Variants in USP34 observed in about 807,000 individuals in gnomAD.
USP34 encodes the protein ubiquitin carboxyl-terminal hydrolase 34.
In USP34, 70 loss-of-function variants were observed where a neutral mutation model predicts 460.3. That is an observed-to-expected ratio of 0.15 (90% CI 0.13 to 0.19). USP34 has a LOEUF of 0.19. Among genes scored for constraint, USP34 ranks in the 10% least tolerant of loss-of-function variants. The pLI, the probability that USP34 is intolerant of heterozygous loss-of-function variation, is 1.00. For synonymous variants in USP34, 1,647 were observed against 1,405.3 expected (o/e 1.17, Z -3.85); for missense variants, 3,985 against 4,236.2 (o/e 0.94, Z 1.65).
In USP34 at chr2:61,434,097, A is replaced by C. The variant is rs143389672; in HGVS notation, c.44-13264T>G. Among the ~76,000 whole-genome samples, 422 of 152,246 alleles carry C rather than the reference A, an allele frequency of 2.8e-3. 1 individual carries two copies. Among genetic ancestry groups the C allele is most frequent in the African/African-American group, 9.4e-3 (392 of 41,538 alleles). On this transcript the variant is annotated intron_variant, in intron 1 of 79. Coordinates refer to ENST00000398571, the MANE Select transcript of USP34 (RefSeq NM_014709.4). ...AGTAGTGGAGGCCCGCAAGCCAAAGAGCATGTGATACACCCCAAGGTTAGT... is the reference window on the plus strand; with the variant it reads ...AGTAGTGGAGGCCCGCAAGCCAAAGCGCATGTGATACACCCCAAGGTTAGT...
intron 15 of USP34, among the ~76,000 whole-genome samples, chr2:61,344,459 A>T (rs1691701291): frequency 3.3e-5 from 5 of 152,204 alleles, no homozygotes; most frequent in African/African-American, 1.2e-4. Context: ...CTTCTAACCA[A>T]ACAAACCCAA....
chr2:61,464,654 T>C lies in USP34; in HGVS notation c.43+5996A>G, dbSNP rs543867426. Among the ~76,000 whole-genome samples, 9 of 142,310 alleles carry C rather than the reference T, an allele frequency of 6.3e-5. No individual in the cohort carries two copies. In the South Asian group the frequency reaches 2.0e-3, roughly 32 times the overall value. The allele number at this position is 142,310 out of a possible 152,430, so 93.4% of individuals were successfully genotyped here. On this transcript the variant is annotated intron_variant, in intron 1 of 79. Transcript: ENST00000398571. ...CGCCTGTAGTCCCAGGAGGCGGAGG[T>C]TGCAGTGAGCCCAAGATCGCACCAC...
At chr2:61,414,350 G>C (rs1443282658) in intron 2 of USP34, among the ~76,000 whole-genome samples, 4 of 151,716 alleles carry the variant, frequency 2.6e-5, no homozygotes, top group South Asian at 2.1e-4. Flanking sequence ...CTGGAACCTA[G>C]AATACAACTG....
chr2:61,281,378 C>T, intron 37 of USP34, 136 bp from the exon 38 acceptor site: 1 of 1,128,636 alleles, frequency 8.9e-7, no homozygotes, highest in Non-Finnish European at 1.2e-6. Context: ...TTTGGAGGCC[C>T]AGGCAGGAGG....
At chr2:61,290,276 T>C (rs1361022028) in intron 33 of USP34, among the ~76,000 whole-genome samples, 1 of 152,158 alleles carries the variant, frequency 6.6e-6, no homozygotes, top group Non-Finnish European at 1.5e-5. Flanking sequence ...AAAAACAGTT[T>C]GGCATCTTCT....
chr2:61,229,852 A>T (rs1417691357), intron 58 of USP34, among the ~76,000 whole-genome samples: 2 of 152,206 alleles, frequency 1.3e-5, no homozygotes, highest in African/African-American at 4.8e-5. Flanking sequence ...AAAACTCAAC[A>T]AACTGTACAT....
At chr2:61,262,637 T>C (rs1303284006) in intron 43 of USP34, among the ~76,000 whole-genome samples, 2 of 152,284 alleles carry the variant, frequency 1.3e-5, no homozygotes, top group Non-Finnish European at 2.9e-5. Flanking sequence ...AACACTGCTG[T>C]GGTAAACATG....
chr2:61,238,815 T>G (rs1264660460), intron 53 of USP34, among the ~76,000 whole-genome samples: 1 of 152,160 alleles, frequency 6.6e-6, no homozygotes, highest in East Asian at 1.9e-4. Context: ...TTACTGCACT[T>G]TGCAGATGCT....
chr2:61,285,190 C>A (rs1689650801), intron 34 of USP34, among the ~76,000 whole-genome samples: 1 of 151,988 alleles, frequency 6.6e-6, no homozygotes, highest in South Asian at 2.1e-4. Context: ...CACTTAAGAG[C>A]AGCAACTGTA....
intron 1 of USP34, among the ~76,000 whole-genome samples, chr2:61,459,537 G>A (rs939481927): frequency 6.6e-6 from 1 of 152,250 alleles, no homozygotes; most frequent in African/African-American, 2.4e-5. Flanking sequence ...CAGTTTGGGA[G>A]GCCAAGACGG....
intron 68 of USP34, 48 bp downstream of exon 68, chr2:61,214,012 T>C (rs558976046): frequency 6.2e-7 from 1 of 1,603,960 alleles, no homozygotes; most frequent in African/African-American, 1.3e-5. Context: ...AAACAGGTAT[T>C]TCCAATCTAT....
intron 49 of USP34, among the ~76,000 whole-genome samples, chr2:61,247,572 A>C (rs1190402855): frequency 6.6e-6 from 1 of 152,174 alleles, no homozygotes; most frequent in African/African-American, 2.4e-5. Context: ...TCTACTATCC[A>C]GGCTGGAATG....
At chr2:61,346,588 C>T (rs556317781) in intron 15 of USP34, among the ~76,000 whole-genome samples, 1 of 137,016 alleles carries the variant, frequency 7.3e-6, no homozygotes, top group South Asian at 2.3e-4. Context: ...GCAATCCTAG[C>T]ACTTTGGCAG....
chr2:61,391,189 T>C (rs983010383), intron 5 of USP34, among the ~76,000 whole-genome samples: 1 of 152,084 alleles, frequency 6.6e-6, no homozygotes, highest in Admixed American at 6.6e-5. Flanking sequence ...CACACACCTG[T>C]AATCCCAGCA....
intron 2 of USP34, among the ~76,000 whole-genome samples, chr2:61,418,643 C>T (rs535419590): frequency 1.1e-4 from 17 of 152,170 alleles, no homozygotes; most frequent in South Asian, 4.1e-4. Context: ...CTAATTAGAA[C>T]GACAATCTTA....
chr2:61,265,950 T>A (rs780711086), intron 42 of USP34, 34 bp downstream of exon 42: 2 of 1,502,264 alleles, frequency 1.3e-6, no homozygotes, highest in Non-Finnish European at 1.8e-6. Context: ...GAATTCAAAA[T>A]CTATAAAGAT....
At chr2:61,325,292 C>T in intron 21 of USP34, 83 bp downstream of exon 21, 1 of 753,918 alleles carries the variant, frequency 1.3e-6, no homozygotes. Context: ...AAAAAAAAAA[C>T]TGCAGAAATC....
intron 16 of USP34, among the ~76,000 whole-genome samples, chr2:61,342,487 T>C (rs926350636): frequency 6.6e-6 from 1 of 151,500 alleles, no homozygotes; most frequent in African/African-American, 2.4e-5. Context: ...TTTTTTTGTA[T>C]TTTTAGTAGG....
rs1207371174 is a variant in USP34, at chr2:61,355,870, T to C, written c.1252-5177A>G. 5.3e-5 allele frequency among the ~76,000 whole-genome samples: 8 copies of C among 152,218 alleles called. No homozygotes were observed. In the East Asian group the frequency reaches 1.5e-3, roughly 29 times the overall value. ...AATTGTCTATAAGAGGTTTGCTTTA[T>C]ATCCAAAGACACAAAAAGGTTTAAT... On this transcript the variant is annotated intron_variant, in intron 10 of 79. Transcript: ENST00000398571.
Sources: allele counts gnomAD v4.1 joint callset (sites outside exome capture counted in the v4.1 genomes callset), GRCh38; gene constraint gnomAD v4.1.1; transcripts MANE v1.5; gene names NCBI Gene and HGNC (gene_info 2026-07-23, HGNC 2026-07-21).